Variants in WRN observed in about 807,000 individuals in gnomAD.
WRN encodes WRN RecQ like helicase, also known as bifunctional 3'-5' exonuclease/ATP-dependent helicase WRN.
In WRN, 149 loss-of-function variants were observed where a neutral mutation model predicts 180.7. That is an observed-to-expected ratio of 0.82 (90% confidence interval 0.72 to 0.94). WRN has a LOEUF of 0.94. Among genes scored for constraint, WRN ranks in the 40% least tolerant of loss-of-function variants. The pLI is 0.00. For synonymous variants in WRN, 548 were observed against 568.9 expected, an observed-to-expected ratio of 0.96 and a Z score of 0.52; for missense variants, 1,661 against 1,700.1, an observed-to-expected ratio of 0.98 and a Z score of 0.40.
chr8:31,123,298 T>G (rs765433333), intron 21 of WRN, among the ~76,000 whole-genome samples: 1 of 152,090 alleles, frequency 6.6e-6, no homozygotes, highest in Non-Finnish European at 1.5e-5. Context: ...GCCTAATTTA[T>G]AAATTAAACT....
intron 19 of WRN, among the ~76,000 whole-genome samples, 190 bp downstream of exon 19, chr8:31,111,989 A>G (rs979616823): frequency 3.3e-5 from 5 of 152,220 alleles, no homozygotes; most frequent in Non-Finnish European, 5.9e-5. Flanking sequence ...GTGTATTTTT[A>G]AAAGCAGAAA....
intron 1 of WRN, among the ~76,000 whole-genome samples, chr8:31,056,237 C>G (rs1326202167): frequency 8.5e-5 from 13 of 152,112 alleles, no homozygotes; most frequent in African/African-American, 3.1e-4. Flanking sequence ...CCTCAGTTTT[C>G]TGGCATTTTG....
intron 23 of WRN, among the ~76,000 whole-genome samples, chr8:31,126,585 T>C (rs1349285520): frequency 6.6e-6 from 1 of 151,816 alleles, no homozygotes. Context: ...AACAAGCAAA[T>C]AAGAGCAAAA....
chr8:31,110,843 T>A (rs1385618574), intron 18 of WRN, among the ~76,000 whole-genome samples: 1 of 152,192 alleles, frequency 6.6e-6, no homozygotes, highest in Non-Finnish European at 1.5e-5. Flanking sequence ...ATACCATAGT[T>A]AAGTGTAATT....
intron 5 of WRN, among the ~76,000 whole-genome samples, chr8:31,066,582 C>G (rs898107935): frequency 6.6e-6 from 1 of 151,768 alleles, no homozygotes; most frequent in Non-Finnish European, 1.5e-5. Flanking sequence ...TCCATGTATA[C>G]CAGTAACTTA....
In WRN at chr8:31,142,619, T is replaced by A. The variant is rs759772830; in HGVS notation, c.3234-7T>A. On this transcript the variant is annotated splice_polypyrimidine_tract_variant and splice_region_variant and intron_variant, in intron 26 of 34. Coordinates refer to ENST00000298139, the MANE Select transcript of WRN (RefSeq NM_000553.6). ...ATTTGAAATAATTTAATTTTATTAT[T>A]TTTTAGTTCGAAAACTGTATCTTCG... 6.3e-7 allele frequency: 1 copy of A among 1,586,474 alleles called. No homozygotes were observed. The highest frequency in any genetic ancestry group is 2.3e-5 in the East Asian group (1 of 44,420).
chr8:31,141,457 C>T lies in WRN; in HGVS notation c.2995C>T (p.Arg999Cys), dbSNP rs761819112. 8.1e-6 allele frequency: 13 copies of T among 1,613,938 alleles called. No homozygotes were observed. The highest frequency in any genetic ancestry group is 4.0e-5 in the African/African-American group (3 of 74,866). ...SNSQRLADQYRRHSLFGTGKD... is the reference protein window; with the variant it reads ...SNSQRLADQYCRHSLFGTGKD... The stretch of plus-strand genomic sequence containing the variant: ...TTCTCAGCGTCTTGCCGATCAATAT[C>T]GCAGGCACAGTTTATTTGGCACTGG... Residue 999 changes from arginine to cysteine, a missense_variant, in exon 25 of 35, where the codon CGC (arginine) becomes TGC (cysteine). Coordinates refer to ENST00000298139, the MANE Select transcript of WRN (RefSeq NM_000553.6).
intron 24 of WRN, among the ~76,000 whole-genome samples, chr8:31,134,285 C>G (rs565954025): frequency 2.0e-5 from 3 of 152,040 alleles, no homozygotes; most frequent in Admixed American, 6.5e-5. Flanking sequence ...TGATTTTGAG[C>G]TGTAAAATAA....
At chr8:31,069,140 T>C (rs1347220006) in intron 7 of WRN, among the ~76,000 whole-genome samples, 1 of 152,246 alleles carries the variant, frequency 6.6e-6, no homozygotes. Context: ...CTTTTGGAGA[T>C]TTTAAATGAT....
chr8:31,107,838 T>C (rs76804273), intron 18 of WRN, among the ~76,000 whole-genome samples: 4,973 of 152,332 alleles, frequency 0.033, 278 homozygotes, highest in African/African-American at 0.11. Context: ...TAAAGTTCTT[T>C]ACATTTCAAG....
intron 23 of WRN, among the ~76,000 whole-genome samples, chr8:31,130,011 AAAACAAAAC>A (rs1347250399): frequency 5.2e-5 from 6 of 115,274 alleles, no homozygotes; most frequent in East Asian, 3.4e-4. Flanking sequence ...TCTCAAAAAA[AAAACAAAAC>A]AAAACAAAAA....
chr8:31,076,889 A>G (rs558333946), intron 8 of WRN, among the ~76,000 whole-genome samples: 2 of 152,350 alleles, frequency 1.3e-5, no homozygotes, highest in African/African-American at 4.8e-5. Context: ...ACCTTGGAAT[A>G]CAGGGGCTAT....
At chr8:31,095,913 G>A (rs1236205402) in intron 16 of WRN, among the ~76,000 whole-genome samples, 1 of 152,164 alleles carries the variant, frequency 6.6e-6, no homozygotes. Flanking sequence ...CCATATGCCT[G>A]CTGGGATTTT....
intron 33 of WRN, among the ~76,000 whole-genome samples, chr8:31,157,742 T>G (rs1426944266): frequency 2.0e-5 from 3 of 152,190 alleles, no homozygotes; most frequent in African/African-American, 7.2e-5. Flanking sequence ...TTGTTTTGTT[T>G]TTTGAGACAG....
intron 9 of WRN, among the ~76,000 whole-genome samples, 182 bp from the exon 10 acceptor site, chr8:31,083,517 T>C (rs1813401999): frequency 6.6e-6 from 1 of 152,042 alleles, no homozygotes. Context: ...TCTTTGTTTC[T>C]TTGTTCATTC....
intron 33 of WRN, among the ~76,000 whole-genome samples, chr8:31,165,812 T>C (rs1353741165): frequency 1.3e-5 from 2 of 152,108 alleles, no homozygotes; most frequent in African/African-American, 4.8e-5. Flanking sequence ...TACTGAGCCA[T>C]TAAAAAATGA....
intron 23 of WRN, 54 bp from the exon 24 acceptor site, chr8:31,132,311 C>G (rs936093436): frequency 1.9e-6 from 3 of 1,581,996 alleles, no homozygotes; most frequent in Non-Finnish European, 2.6e-6. Context: ...CTTTTGATTT[C>G]TAAAGATACA....
intron 16 of WRN, among the ~76,000 whole-genome samples, chr8:31,093,324 A>G (rs182813254): frequency 6.0e-4 from 91 of 152,230 alleles, no homozygotes; most frequent in African/African-American, 2.1e-3. Context: ...TTTTTCTGAG[A>G]TAAAATTAGA....
At chr8:31,141,294 T>C (rs1375610836) in intron 24 of WRN, 136 bp from the exon 25 acceptor site, 1 of 1,019,340 alleles carries the variant, frequency 9.8e-7, no homozygotes. Context: ...ATGAGCACGA[T>C]GGGTATAACA....
Sources: allele counts gnomAD v4.1 joint callset (sites outside exome capture counted in the v4.1 genomes callset), GRCh38; gene constraint gnomAD v4.1.1; transcripts MANE v1.5; gene names NCBI Gene and HGNC (gene_info 2026-07-23, HGNC 2026-07-21).